PLA2G4B: variants seen among roughly 807,000 people sequenced by gnomAD.
PLA2G4B encodes cytosolic phospholipase A2 beta.
A neutral mutation model predicts 95.8 loss-of-function variants in PLA2G4B; 122 were observed. The observed-to-expected ratio is 1.27, with a 90% CI of 1.10 to 1.48. PLA2G4B has a LOEUF of 1.48. Ranked by LOEUF, PLA2G4B falls within the 40% of genes most tolerant of loss-of-function variation. The pLI, the probability that PLA2G4B is intolerant of heterozygous loss-of-function variation, is 0.00. For missense variants in PLA2G4B, 1,158 were observed against 996.2 expected, an observed-to-expected ratio of 1.16 and a Z score of -2.19; for synonymous variants, 518 against 421.5, an observed-to-expected ratio of 1.23 and a Z score of -2.80.
At chr15:41,845,427 G>C (rs553123488) in intron 14 of PLA2G4B, 107 bp downstream of exon 14, 2 of 1,482,758 alleles carry the variant, frequency 1.3e-6, no homozygotes, top group East Asian at 4.6e-5. Context: ...TCCTGAGCCA[G>C]GTCCCGTGCT....
chr15:41,840,878 G>T lies in PLA2G4B; in HGVS notation c.324G>T (p.Arg108=). The change falls in exon 4 of 20, where the codon CGG becomes CGT. Residue 108 remains arginine, a synonymous_variant. Coordinates refer to ENST00000458483, the MANE Select transcript of PLA2G4B (RefSeq NM_001114633.2). The part of the protein sequence containing the change: ...DAGTLRAGEF[R]RESFSLSPQG... ...GGACTCTGCGGGCTGGGGAGTTCCG[G>T]CGCGAGAGCTTCTCACTGAGCCCTC... 2 of 1,613,728 alleles carry T rather than the reference G, an allele frequency of 1.2e-6. No individual in the cohort carries two copies. Among genetic ancestry groups the T allele is most frequent in the South Asian group, 1.1e-5 (1 of 91,080 alleles).
chr15:41,846,216 C>A lies in PLA2G4B; in HGVS notation c.1614C>A (p.Val538=), dbSNP rs774233316. ...TTGCCTGTGTAGACAAGGAGCAGGTCCCCCTTCTGAAGATAGAAGAACCAC... is the reference window on the plus strand; with the variant it reads ...TTGCCTGTGTAGACAAGGAGCAGGTACCCCTTCTGAAGATAGAAGAACCAC... ...RNQANLDKEQ[V]PLLKIEEPPS... Residue 538 remains valine, a synonymous_variant, in exon 17 of 20, where the codon GTC becomes GTA. Coordinates refer to ENST00000458483, the MANE Select transcript of PLA2G4B (RefSeq NM_001114633.2). 12 of 1,613,820 alleles carry A rather than the reference C, an allele frequency of 7.4e-6. No homozygotes were observed. In the South Asian group the frequency reaches 1.3e-4, roughly 18 times the overall value.
chr15:41,840,364 G>A, intron 2 of PLA2G4B, 134 bp downstream of exon 2: 1 of 1,571,328 alleles, frequency 6.4e-7, no homozygotes, highest in South Asian at 1.1e-5. Flanking sequence ...GCTGAGAGGA[G>A]CTTCTGGGTG....
intron 17 of PLA2G4B, 33 bp from the exon 18 acceptor site, chr15:41,846,636 C>T (rs560708457): frequency 1.3e-6 from 2 of 1,576,108 alleles, no homozygotes; most frequent in East Asian, 2.3e-5. Context: ...CCCTTGGTAT[C>T]TGTGACAATT....
chr15:41,844,031 C>T (rs1040775280), intron 11 of PLA2G4B, among the ~76,000 whole-genome samples: 12 of 152,202 alleles, frequency 7.9e-5, no homozygotes, highest in Non-Finnish European at 1.3e-4. Flanking sequence ...GGCTGGCTTT[C>T]CTACTCTGTT....
chr15:41,842,019 C>A, intron 8 of PLA2G4B, 70 bp downstream of exon 8: 1 of 1,570,304 alleles, frequency 6.4e-7, no homozygotes, highest in South Asian at 1.2e-5. Context: ...TCCTCCCAGT[C>A]TGACCTCTGC....
intron 2 of PLA2G4B, 33 bp downstream of exon 2, chr15:41,840,263 G>A: frequency 3.1e-6 from 5 of 1,610,702 alleles, no homozygotes; most frequent in Non-Finnish European, 3.4e-6. Context: ...CCTGTGCTGG[G>A]CTGAGGGAGG....
rs1236051050 is a variant in PLA2G4B at position 41,841,875 on chromosome 15, G to T, written c.547G>T (p.Ala183Ser). The T allele has an allele frequency of 1.9e-6, 3 of 1,613,288 alleles. No individual in the cohort carries two copies. In the Admixed American group the frequency reaches 5.0e-5, roughly 27 times the overall value. Residue 183 changes from alanine (A) to serine (S), a missense_variant, in exon 8 of 20, where the codon GCC (alanine) becomes TCC (serine). Transcript: ENST00000458483. ...TGGGTCCTGTGAGGGTCCGCAGGAG[G>T]CCTCTGTGGGCACTGGCACCTTCCG... The part of the protein sequence containing the change: ...VPGSCEGPQE[A>S]SVGTGTFRFH...
At position 41,840,329 on chromosome 15, in the gene PLA2G4B, C is replaced by T. The variant is rs910137624; in HGVS notation, c.82+99C>T. 4.2e-5 allele frequency: 66 copies of T among 1,577,450 alleles called. No individual in the cohort carries two copies. The African/African-American group carries it at 6.4e-4, about 15-fold the overall frequency. Reference sequence around the variant, plus strand: ...CTGGATTTGGTGGAGGCGGGTGGGCCGGTGGGCAGGGCCTAGAGGAGGGAG... The same window carrying T: ...CTGGATTTGGTGGAGGCGGGTGGGCTGGTGGGCAGGGCCTAGAGGAGGGAG... On this transcript the variant is annotated intron_variant, in intron 2 of 19. Coordinates refer to ENST00000458483, the MANE Select transcript of PLA2G4B (RefSeq NM_001114633.2).
At position 41,845,024 on chromosome 15, in the gene PLA2G4B, T is replaced by TC; in HGVS notation, c.1194dup (p.Thr399HisfsTer14). ...GCCCGCTTGGGCTACCCAAGCTGCT[T>TC]CACCAACCTGTGGGCCCTCATCAAC... On this transcript the variant is annotated frameshift_variant, in exon 13 of 20. Coordinates refer to ENST00000458483, the MANE Select transcript of PLA2G4B (RefSeq NM_001114633.2). LOFTEE classifies it high-confidence loss of function. 1 of 1,603,796 alleles carries TC rather than the reference T, an allele frequency of 6.2e-7. No individual in the cohort carries two copies. Among genetic ancestry groups the TC allele is most frequent in the Non-Finnish European group, 8.5e-7 (1 of 1,175,356 alleles).
At position 41,844,567 on chromosome 15, in the gene PLA2G4B, G is replaced by A. The variant is rs1201416033; in HGVS notation, c.976G>A (p.Asp326Asn). The change falls in exon 12 of 20, where the codon GAT becomes AAT. Residue 326 changes from aspartate (D) to asparagine (N), a missense_variant. Coordinates refer to ENST00000458483, the MANE Select transcript of PLA2G4B (RefSeq NM_001114633.2). ...TGGCCTGAAGGAGCTGGGCCTCTTG[G>A]ATTGCGTCTCCTACATCACCGGGGC... ...LAGLKELGLL[D>N]CVSYITGASG... 1 of 1,614,214 alleles carries A rather than the reference G, an allele frequency of 6.2e-7. No individual in the cohort carries two copies. Among genetic ancestry groups the A allele is most frequent in the Non-Finnish European group, 8.5e-7 (1 of 1,180,036 alleles).
At position 41,843,829 on chromosome 15, in the gene PLA2G4B, G is replaced by GGCTGT. The variant is rs2065482427; in HGVS notation, c.879+18_879+19insGCTGT. 1.9e-6 allele frequency: 3 copies of GGCTGT among 1,612,244 alleles called. No homozygotes were observed. The highest frequency in any genetic ancestry group is 1.3e-5 in the African/African-American group (1 of 74,906). On this transcript the variant is annotated intron_variant, in intron 11 of 19. Coordinates refer to ENST00000458483, the MANE Select transcript of PLA2G4B (RefSeq NM_001114633.2). ...AGGATGAGGTTTGGGGGCTGGGCTG[G>GGCTGT]ATGGGGTGTCCCCGGGCTTGCTTGG...
chr15:41,841,738 G>A (rs2065435275), intron 7 of PLA2G4B, 81 bp from the exon 8 acceptor site: 14 of 1,579,762 alleles, frequency 8.9e-6, no homozygotes, highest in African/African-American at 2.7e-5. Flanking sequence ...AGAGGGAGGT[G>A]CCCTCCAGGC....
At position 41,840,563 on chromosome 15, in the gene PLA2G4B, C is replaced by A; in HGVS notation, c.122C>A (p.Thr41Lys). 10 of 1,613,898 alleles carry A rather than the reference C, an allele frequency of 6.2e-6. No individual in the cohort carries two copies. The highest frequency in any genetic ancestry group is 8.5e-6 in the Non-Finnish European group (10 of 1,180,026). Residue 41 changes from threonine (T) to lysine (K), a missense_variant, in exon 3 of 20, where the codon ACG (threonine) becomes AAG (lysine). Physicochemically the swap from Thr to Lys is moderately conservative, Grantham distance 78. Coordinates refer to ENST00000458483, the MANE Select transcript of PLA2G4B (RefSeq NM_001114633.2). Reference protein sequence around the residue: ...SDCYVTLWLPTACSHRLQTRT... With the variant: ...SDCYVTLWLPKACSHRLQTRT... ...TGCTACGTGACTCTCTGGCTGCCCA[C>A]GGCCTGCAGCCACAGGCTCCAGACA...
At chr15:41,844,420 G>A (rs770959179) in intron 11 of PLA2G4B, 51 bp from the exon 12 acceptor site, 2 of 1,612,248 alleles carry the variant, frequency 1.2e-6, no homozygotes, top group Admixed American at 3.3e-5. Context: ...CCTGTGACTT[G>A]GCCTTCCCCA....
intron 1 of PLA2G4B, 93 bp from the exon 2 acceptor site, chr15:41,840,065 A>C: frequency 7.1e-7 from 1 of 1,400,122 alleles, no homozygotes; most frequent in South Asian, 1.3e-5. Context: ...GTTCAGGATT[A>C]GGCCTTGAGG....
chr15:41,845,172 G>A (rs762086225), intron 13 of PLA2G4B, 31 bp from the exon 14 acceptor site: 1 of 1,613,542 alleles, frequency 6.2e-7, no homozygotes, highest in Non-Finnish European at 8.5e-7. Context: ...CCAGGCCGCT[G>A]TGGGTTTAGG....
Position 41,845,636 on chromosome 15 carries a change from A to C in PLA2G4B, c.1358-2A>C, listed in dbSNP as rs761169487. On this transcript the variant is annotated splice_acceptor_variant, in intron 14 of 19. Coordinates refer to ENST00000458483, the MANE Select transcript of PLA2G4B (RefSeq NM_001114633.2). LOFTEE classifies it high-confidence loss of function. ...TGAGGCTGAGGCGTGGACTCCTCACAGAGTGGTGCGAGTTCTCTCCCTACG... is the reference window on the plus strand; with the variant it reads ...TGAGGCTGAGGCGTGGACTCCTCACCGAGTGGTGCGAGTTCTCTCCCTACG... 6.2e-7 allele frequency: 1 copy of C among 1,614,096 alleles called. No homozygotes were observed. Among genetic ancestry groups the C allele is most frequent in the Non-Finnish European group, 8.5e-7 (1 of 1,179,988 alleles).
At chr15:41,847,293 C>G (rs2065578941) in intron 18 of PLA2G4B, 44 bp from the exon 19 acceptor site, 1 of 1,551,378 alleles carries the variant, frequency 6.4e-7, no homozygotes, top group Non-Finnish European at 8.7e-7. Context: ...GTTGAGGATG[C>G]CAGGGGCCCT....
Sources: gnomAD v4.1 joint callset for allele counts (sites outside exome capture counted in the v4.1 genomes callset) on GRCh38, gnomAD v4.1.1 for gene constraint, MANE v1.5 for transcripts, NCBI Gene and HGNC (gene_info 2026-07-23, HGNC 2026-07-21) for gene names.